The following BET1 variants were observed in gnomAD, a reference collection of about 807,000 sequenced individuals.
BET1 encodes the protein Bet1 golgi vesicular membrane trafficking protein.
A neutral mutation model predicts 13.9 loss-of-function variants in BET1; 9 were observed. That is an observed-to-expected ratio of 0.65 (90% confidence interval 0.39 to 1.13). The LOEUF is 1.13. Among genes scored for constraint, BET1 ranks in the 50% most tolerant of loss-of-function variants. The pLI, the probability that BET1 is intolerant of heterozygous loss-of-function variation, is 0.01. For missense variants in BET1, 127 were observed against 133.6 expected (o/e 0.95, Z 0.24); for synonymous variants, 39 against 47.3 (o/e 0.82, Z 0.72).
intron 4 of BET1, among the ~76,000 whole-genome samples, chr7:93,980,869 C>A (rs1177906982): frequency 6.6e-6 from 1 of 152,052 alleles, no homozygotes; most frequent in Non-Finnish European, 1.5e-5. Context: ...TTGGAGTTCT[C>A]ATTTTACCAT....
chr7:93,996,552 T>C (rs1328012792), intron 2 of BET1, among the ~76,000 whole-genome samples: 1 of 151,924 alleles, frequency 6.6e-6, no homozygotes, highest in South Asian at 2.1e-4. Context: ...TTTAATTTCA[T>C]CTTAATATTC....
At chr7:93,979,864 T>C (rs1399409365) in intron 4 of BET1, among the ~76,000 whole-genome samples, 1 of 152,014 alleles carries the variant, frequency 6.6e-6, no homozygotes, top group African/African-American at 2.4e-5. Flanking sequence ...TGGGAGCCAC[T>C]GAGAAAGAAC....
intron 4 of BET1, among the ~76,000 whole-genome samples, chr7:93,985,779 T>A (rs905289551): frequency 6.6e-6 from 1 of 152,086 alleles, no homozygotes; most frequent in Non-Finnish European, 1.5e-5. Flanking sequence ...TAGGACCCAA[T>A]GAATATGGAC....
intron 4 of BET1, among the ~76,000 whole-genome samples, chr7:93,982,482 T>C (rs1795445125): frequency 6.6e-6 from 1 of 152,180 alleles, no homozygotes; most frequent in South Asian, 2.1e-4. Flanking sequence ...GTTTCTACTA[T>C]GTGCCAGATA....
chr7:93,994,258 A>AT lies in BET1; in HGVS notation c.328dup (p.Ile110AsnfsTer7), dbSNP rs1225352817. The AT allele has an allele frequency of 1.9e-6, 3 of 1,608,370 alleles. No individual in the cohort carries two copies. The African/African-American group carries it at 4.0e-5, about 22-fold the overall frequency. On this transcript the variant is annotated frameshift_variant, in exon 4 of 4. Transcript: ENST00000222547. LOFTEE classifies it high-confidence loss of function. Reference sequence around the variant, plus strand: ...CCTCAGTTTAATAATCCAATAAATGATAAAAAAGACAAATAAAGAAAACAG... The same window carrying AT: ...CCTCAGTTTAATAATCCAATAAATGATTAAAAAAGACAAATAAAGAAAACAG...
At chr7:93,986,940 C>A (rs546580640) in intron 4 of BET1, among the ~76,000 whole-genome samples, 2 of 152,166 alleles carry the variant, frequency 1.3e-5, no homozygotes, top group Admixed American at 6.5e-5. Context: ...AGGTTTGTAG[C>A]CTGGAAGCAA....
intron 4 of BET1, among the ~76,000 whole-genome samples, chr7:93,985,428 TAA>T (rs2116080858): frequency 6.6e-6 from 1 of 152,304 alleles, no homozygotes; most frequent in African/African-American, 2.4e-5. Context: ...CTAGGTTACA[TAA>T]AGTGTTCAGA....
At chr7:93,977,973 C>A (rs1040664666) in intron 4 of BET1, among the ~76,000 whole-genome samples, 1 of 152,102 alleles carries the variant, frequency 6.6e-6, no homozygotes, top group Non-Finnish European at 1.5e-5. Flanking sequence ...AATTCAAGCT[C>A]CTTACTAGCA....
intron 4 of BET1, among the ~76,000 whole-genome samples, chr7:93,981,355 T>C (rs1795424039): frequency 6.6e-6 from 1 of 152,206 alleles, no homozygotes; most frequent in Non-Finnish European, 1.5e-5. Flanking sequence ...AGGTCATTAA[T>C]TGTTTACATT....
At chr7:93,992,322 T>C, downstream of BET1, 1 of 985,304 alleles carries the variant, frequency 1.0e-6, no homozygotes. Flanking sequence ...TTAAATATTT[T>C]ACAAAGTACT....
chr7:93,998,036 T>C (rs915940030), intron 2 of BET1, among the ~76,000 whole-genome samples: 7 of 152,022 alleles, frequency 4.6e-5, no homozygotes, highest in African/African-American at 1.7e-4. Flanking sequence ...AGCACTTCAG[T>C]TGATCTAAGA....
chr7:93,996,533 C>T (rs1795775490), intron 2 of BET1, among the ~76,000 whole-genome samples: 1 of 151,746 alleles, frequency 6.6e-6, no homozygotes, highest in Non-Finnish European at 1.5e-5. Context: ...TTTCTTCTTT[C>T]CTCTTTATTT....
downstream of BET1, chr7:93,993,211 C>A: frequency 1.0e-6 from 1 of 982,362 alleles, no homozygotes; most frequent in Non-Finnish European, 1.2e-6. Flanking sequence ...TTCTCAGATT[C>A]TACTGAGAAT....
chr7:93,966,833 T>C lies in BET1; in HGVS notation c.*138-1146A>G, dbSNP rs1318068993. ...CACTGAATCAACCTTCCCTGGGACT[T>C]CTCTACCTCTGGGCTTTGGGTTATA... On this transcript the variant is annotated intron_variant and NMD_transcript_variant, in intron 6 of 6. Transcript: ENST00000357520. Among the ~76,000 whole-genome samples, 9 of 151,806 alleles carry C rather than the reference T, an allele frequency of 5.9e-5. 1 individual carries two copies. The highest frequency in any genetic ancestry group is 2.0e-4 in the Admixed American group (3 of 15,176).
At chr7:93,997,081 A>G (rs527429793) in intron 2 of BET1, among the ~76,000 whole-genome samples, 8 of 152,120 alleles carry the variant, frequency 5.3e-5, no homozygotes, top group Non-Finnish European at 8.8e-5. Flanking sequence ...AAAATACAAT[A>G]CTATAGCTAA....
downstream of BET1, chr7:93,991,825 TA>T (rs758188721): frequency 2.5e-5 from 24 of 962,572 alleles, no homozygotes; most frequent in Non-Finnish European, 2.7e-5. Flanking sequence ...ATGATGACAT[TA>T]TTTATTATTT....
In BET1 at chr7:93,994,019, T is replaced by C; in HGVS notation, c.*211A>G. 2 of 1,499,452 alleles carry C rather than the reference T, an allele frequency of 1.3e-6. No homozygotes were observed. The highest frequency in any genetic ancestry group is 4.4e-5 in the Admixed American group (2 of 45,026). 92.9% of individuals were successfully genotyped at this position (1,499,452 alleles called of 1,614,324 possible). ...TGGAGCCACACCCTCTCACTACCCC[T>C]GAAAATAGGGGCTAAAATGAGTCAT... On this transcript the variant is annotated 3_prime_UTR_variant, in exon 4 of 4. Transcript: ENST00000222547.
At chr7:93,973,415 G>A (rs181628683) in intron 5 of BET1, among the ~76,000 whole-genome samples, 6 of 151,914 alleles carry the variant, frequency 3.9e-5, no homozygotes, top group Admixed American at 2.0e-4. Flanking sequence ...GAAGGTTTTG[G>A]GATCCTCAGT....
chr7:93,986,650 G>T (rs910702240), intron 4 of BET1, among the ~76,000 whole-genome samples: 1 of 152,162 alleles, frequency 6.6e-6, no homozygotes, highest in Non-Finnish European at 1.5e-5. Flanking sequence ...ACATCTTGCT[G>T]TAGGGCTTTG....
Sources: allele counts gnomAD v4.1 joint callset (sites outside exome capture counted in the v4.1 genomes callset), GRCh38; gene constraint gnomAD v4.1.1; transcripts MANE v1.5; gene names NCBI Gene and HGNC (gene_info 2026-07-23, HGNC 2026-07-21).